The following ASH1L variants were observed in gnomAD, a reference collection of about 807,000 sequenced individuals.
The protein encoded by ASH1L is histone-lysine N-methyltransferase ASH1L.
Under a neutral mutation model 269.0 loss-of-function variants are expected in ASH1L, and 23 were observed. The observed-to-expected ratio is 0.09, with a 90% CI of 0.06 to 0.12. ASH1L has a LOEUF of 0.12. ASH1L is among the 10% of genes least tolerant of loss of function. The pLI is 1.00. For synonymous variants in ASH1L, 1,187 were observed against 1,253.5 expected, an observed-to-expected ratio of 0.95 and a Z score of 1.12; for missense variants, 2,912 against 3,567.8, an observed-to-expected ratio of 0.82 and a Z score of 4.68.
At chr1:155,428,122 T>C (rs778284655) in intron 5 of ASH1L, among the ~76,000 whole-genome samples, 1 of 152,184 alleles carries the variant, frequency 6.6e-6, no homozygotes, top group Non-Finnish European at 1.5e-5. Context: ...CAGGTATTTA[T>C]AGCAATGTGA....
At chr1:155,553,606 C>T (rs991388218) in intron 1 of ASH1L, among the ~76,000 whole-genome samples, 17 of 152,178 alleles carry the variant, frequency 1.1e-4, no homozygotes, top group African/African-American at 4.1e-4. Context: ...ATGTCTCACA[C>T]TTATCCTTTA....
chr1:155,526,667 T>C (rs1218870042), intron 1 of ASH1L, among the ~76,000 whole-genome samples: 5 of 152,204 alleles, frequency 3.3e-5, no homozygotes, highest in Admixed American at 6.5e-5. Flanking sequence ...AGTAGTCAGA[T>C]AGGAAGCAGT....
chr1:155,480,441 G>C lies in ASH1L; in HGVS notation c.2429C>G (p.Ser810Cys). The change falls in exon 3 of 28, where the codon TCC becomes TGC. Residue 810 changes from serine (S) to cysteine (C), a missense_variant. Physicochemically the swap from Ser to Cys is moderately radical, Grantham distance 112. Around this residue, in one of 13 missense-constraint regions of ASH1L, gnomAD observed 715 missense variants for 721.0 expected, o/e 0.99. Coordinates refer to ENST00000392403, the MANE Select transcript of ASH1L (RefSeq NM_018489.3). The part of the protein sequence containing the change: ...SHKSFATHKL[S>C]SSMCVSSDLL... ...GTCACTAGAGACACACATACTGGAG[G>C]ATAGTTTGTGAGTAGCAAAAGACTT... 6.2e-7 allele frequency: 1 copy of C among 1,614,090 alleles called. No homozygotes were observed.
Position 155,370,995 on chromosome 1 carries a change from A to G in ASH1L, c.6333-12T>C, listed in dbSNP as rs745770231. On this transcript the variant is annotated splice_polypyrimidine_tract_variant and intron_variant, in intron 10 of 27. Transcript: ENST00000392403. ...CAGCAAAGATCATTCTAGAAAAAAA[A>G]GGAATAACTGTACATCAACTTACAT... 2 of 1,613,776 alleles carry G rather than the reference A, an allele frequency of 1.2e-6. No homozygotes were observed. The highest frequency in any genetic ancestry group is 1.1e-5 in the South Asian group (1 of 91,062).
intron 3 of ASH1L, among the ~76,000 whole-genome samples, chr1:155,463,402 C>T (rs755167636): frequency 1.3e-5 from 2 of 151,992 alleles, no homozygotes; most frequent in Non-Finnish European, 2.9e-5. Context: ...AGTCCCAAAA[C>T]GAGATAATGT....
chr1:155,356,258 T>G (rs1260820065), intron 15 of ASH1L, among the ~76,000 whole-genome samples: 1 of 152,164 alleles, frequency 6.6e-6, no homozygotes, highest in Non-Finnish European at 1.5e-5. Context: ...TCTTAATTTT[T>G]TCTCTACTGC....
intron 17 of ASH1L, 38 bp from the exon 18 acceptor site, chr1:155,349,634 C>T: frequency 6.3e-7 from 1 of 1,599,330 alleles, no homozygotes; most frequent in Non-Finnish European, 8.6e-7. Context: ...AAGATTCCAC[C>T]ATACAAGGGA....
chr1:155,448,651 C>T (rs1029788290), intron 4 of ASH1L, among the ~76,000 whole-genome samples: 1 of 152,132 alleles, frequency 6.6e-6, no homozygotes, highest in Non-Finnish European at 1.5e-5. Context: ...CGCGTGACCA[C>T]GCCCAGCTAA....
At chr1:155,410,104 A>T (rs1384297436) in intron 6 of ASH1L, among the ~76,000 whole-genome samples, 4 of 152,004 alleles carry the variant, frequency 2.6e-5, no homozygotes, top group African/African-American at 9.7e-5. Flanking sequence ...TCAAAAAAAA[A>T]AAAGTTCGTA....
intron 2 of ASH1L, among the ~76,000 whole-genome samples, chr1:155,489,199 G>A (rs1381703001): frequency 7.9e-5 from 12 of 151,494 alleles, no homozygotes; most frequent in South Asian, 4.2e-4. Flanking sequence ...ATATGTGGGC[G>A]CGGTGGCTCA....
At chr1:155,388,805 G>A (rs1488328360) in intron 7 of ASH1L, among the ~76,000 whole-genome samples, 6 of 142,700 alleles carry the variant, frequency 4.2e-5, no homozygotes, top group African/African-American at 1.1e-4. Context: ...CTGCAGCCTC[G>A]ATCTCCTGGG....
intron 3 of ASH1L, among the ~76,000 whole-genome samples, chr1:155,460,815 A>T (rs978059343): frequency 3.9e-5 from 6 of 152,184 alleles, no homozygotes; most frequent in African/African-American, 1.2e-4. Flanking sequence ...AGACAAAGAA[A>T]CTCAATTTCC....
intron 6 of ASH1L, among the ~76,000 whole-genome samples, chr1:155,407,288 T>C (rs986944001): frequency 2.6e-5 from 4 of 152,118 alleles, no homozygotes; most frequent in Non-Finnish European, 5.9e-5. Context: ...TTTGACAACA[T>C]AGGACGGGCT....
rs866966223 is a variant in ASH1L, at chr1:155,495,061, T to C, written c.421-12612A>G. Among the ~76,000 whole-genome samples the C allele has an allele frequency of 3.3e-5, 5 of 152,252 alleles. No homozygotes were observed. The South Asian group carries it at 6.2e-4, about 19-fold the overall frequency. On this transcript the variant is annotated intron_variant, in intron 2 of 27. Coordinates refer to ENST00000392403, the MANE Select transcript of ASH1L (RefSeq NM_018489.3). Reference sequence around the variant, plus strand: ...TGAGAACATACATTTGTTTGTTGGATTGGAGTCACTGGTAATCATGCAACA... The same window carrying C: ...TGAGAACATACATTTGTTTGTTGGACTGGAGTCACTGGTAATCATGCAACA...
chr1:155,557,259 T>C (rs542058029), intron 1 of ASH1L, among the ~76,000 whole-genome samples: 42 of 151,966 alleles, frequency 2.8e-4, no homozygotes, highest in African/African-American at 9.9e-4. Flanking sequence ...AAGTCATTAT[T>C]TTATTTATTT....
intron 10 of ASH1L, among the ~76,000 whole-genome samples, chr1:155,375,659 A>G (rs1179250448): frequency 6.6e-6 from 1 of 152,098 alleles, no homozygotes; most frequent in Non-Finnish European, 1.5e-5. Context: ...GTGCAGTGGC[A>G]GGTGCCTGTA....
Position 155,357,426 on chromosome 1 carries a change from A to C in ASH1L, c.6961-16T>G. ...GATGGCCTCTCTGAAAAAGAGATGG[A>C]TCAGATTAGAGATTTAAAAAAATAT... On this transcript the variant is annotated splice_polypyrimidine_tract_variant and intron_variant, in intron 14 of 27. Coordinates refer to ENST00000392403, the MANE Select transcript of ASH1L (RefSeq NM_018489.3). 1 of 1,606,358 alleles carries C rather than the reference A, an allele frequency of 6.2e-7. No homozygotes were observed. The highest frequency in any genetic ancestry group is 8.5e-7 in the Non-Finnish European group (1 of 1,173,308).
At chr1:155,494,932 AAGAG>A (rs139398189) in intron 2 of ASH1L, among the ~76,000 whole-genome samples, 1,925 of 149,536 alleles carry the variant, frequency 0.013, 28 homozygotes, top group African/African-American at 0.043. Flanking sequence ...AATAAGGAAA[AAGAG>A]AGAGAGAGAG....
rs911869047 is a variant in ASH1L at position 155,337,975 on chromosome 1, C to T, written c.8803+114G>A. The T allele has an allele frequency of 9.2e-6, 11 of 1,196,034 alleles. No homozygotes were observed. The Admixed American group carries it at 2.3e-4, about 25-fold the overall frequency. 74.1% of individuals were successfully genotyped at this position (1,196,034 alleles called of 1,614,324 possible). On this transcript the variant is annotated intron_variant, in intron 27 of 27. Transcript: ENST00000392403. The stretch of plus-strand genomic sequence containing the variant: ...AACTAAAAGCAAGCCTATAAAAGAA[C>T]TATACCATTTTCTTAGAATACTTTG...
Sources: gnomAD v4.1 joint callset for allele counts (sites outside exome capture counted in the v4.1 genomes callset) on GRCh38, gnomAD v4.1.1 for gene constraint, gnomAD v4.1.1 regional missense constraint, MANE v1.5 for transcripts, NCBI Gene and HGNC (gene_info 2026-07-23, HGNC 2026-07-21) for gene names.